Variants in ATE1 observed in about 807,000 individuals in gnomAD.
ATE1 encodes the protein arginyl-tRNA--protein transferase 1.
Under a neutral mutation model 70.5 loss-of-function variants are expected in ATE1, and 36 were observed. The ratio of observed to expected loss-of-function variants is 0.51; its 90% CI spans 0.39 to 0.67. The LOEUF is 0.67. Among genes scored for constraint, ATE1 ranks in the 30% least tolerant of loss-of-function variants. The probability of loss-of-function intolerance (pLI) is 0.00; values close to 1 mark genes in which losing one functional copy is unlikely to be tolerated. For synonymous variants in ATE1, 232 were observed against 219.3 expected (o/e 1.06, Z -0.51); for missense variants, 593 against 629.5 (o/e 0.94, Z 0.62).
At chr10:121,907,422 G>A (rs763224886) in intron 5 of ATE1, among the ~76,000 whole-genome samples, 8 of 151,460 alleles carry the variant, frequency 5.3e-5, no homozygotes, top group East Asian at 1.9e-4. Context: ...CTGAGATAGC[G>A]CCATTGCACT....
chr10:121,838,856 A>T (rs1948526092), intron 9 of ATE1, among the ~76,000 whole-genome samples: 1 of 152,148 alleles, frequency 6.6e-6, no homozygotes. Context: ...AAAATGAATT[A>T]AAAAAATAAA....
intron 11 of ATE1, among the ~76,000 whole-genome samples, chr10:121,757,506 G>A (rs1297629588): frequency 1.3e-5 from 2 of 152,108 alleles, no homozygotes; most frequent in Non-Finnish European, 2.9e-5. Context: ...CTGAGACTGG[G>A]CAATTTACAA....
intron 7 of ATE1, among the ~76,000 whole-genome samples, chr10:121,872,660 T>C (rs560297901): frequency 6.6e-6 from 1 of 152,192 alleles, no homozygotes; most frequent in South Asian, 2.1e-4. Context: ...TACACTGCAA[T>C]TGAAAGCAGA....
At chr10:121,801,134 T>G (rs1047184654) in intron 10 of ATE1, among the ~76,000 whole-genome samples, 5 of 152,246 alleles carry the variant, frequency 3.3e-5, no homozygotes, top group African/African-American at 1.2e-4. Flanking sequence ...CCCCAAATTC[T>G]GAAAGCCAAC....
intron 10 of ATE1, among the ~76,000 whole-genome samples, chr10:121,802,707 C>A (rs189217404): frequency 6.6e-6 from 1 of 152,132 alleles, no homozygotes; most frequent in Non-Finnish European, 1.5e-5. Context: ...TGCTCCCATC[C>A]CCAGGCTGAA....
At chr10:121,778,386 G>A (rs1339890716) in intron 11 of ATE1, among the ~76,000 whole-genome samples, 1 of 152,152 alleles carries the variant, frequency 6.6e-6, no homozygotes, top group Non-Finnish European at 1.5e-5. Flanking sequence ...CTAAAGAACT[G>A]TATTCTATTT....
At chr10:121,780,408 C>T (rs1260270072) in intron 11 of ATE1, among the ~76,000 whole-genome samples, 1 of 152,172 alleles carries the variant, frequency 6.6e-6, no homozygotes, top group Non-Finnish European at 1.5e-5. Context: ...CATTTCCTCT[C>T]CATTGCCCAC....
intron 10 of ATE1, among the ~76,000 whole-genome samples, chr10:121,802,454 G>A (rs577025261): frequency 4.0e-5 from 6 of 151,830 alleles, no homozygotes; most frequent in Admixed American, 6.6e-5. Flanking sequence ...GATTACAGGC[G>A]CCCACCACCA....
chr10:121,752,519 G>A (rs1254783654), intron 11 of ATE1, among the ~76,000 whole-genome samples: 4 of 152,020 alleles, frequency 2.6e-5, no homozygotes, highest in East Asian at 2.0e-4. Flanking sequence ...GTGAGCCACC[G>A]CACCTGGCAT....
chr10:121,826,026 G>C (rs1368627425), intron 10 of ATE1, among the ~76,000 whole-genome samples: 1 of 152,234 alleles, frequency 6.6e-6, no homozygotes, highest in Non-Finnish European at 1.5e-5. Flanking sequence ...CAACATGAAT[G>C]AATCTTGAGG....
chr10:121,865,971 A>G (rs1011968850), intron 8 of ATE1, among the ~76,000 whole-genome samples: 3 of 152,356 alleles, frequency 2.0e-5, no homozygotes, highest in African/African-American at 7.2e-5. Context: ...TTTGTTTTCA[A>G]CTGCAACTCT....
At chr10:121,764,123 G>A (rs1263503492) in intron 11 of ATE1, among the ~76,000 whole-genome samples, 11 of 151,854 alleles carry the variant, frequency 7.2e-5, no homozygotes, top group Non-Finnish European at 1.2e-4. Flanking sequence ...AATGTGAGAT[G>A]TTAATGATGG....
intron 8 of ATE1, among the ~76,000 whole-genome samples, chr10:121,845,679 G>A (rs1424728087): frequency 6.6e-6 from 1 of 152,076 alleles, no homozygotes; most frequent in African/African-American, 2.4e-5. Flanking sequence ...GAATACTGGA[G>A]GTGACCAATT....
chr10:121,862,499 G>C (rs568241126), intron 8 of ATE1, among the ~76,000 whole-genome samples: 2 of 151,388 alleles, frequency 1.3e-5, no homozygotes, highest in Non-Finnish European at 2.9e-5. Context: ...TGGGACTACA[G>C]GCACACATTA....
chr10:121,799,661 G>T (rs1301501981), intron 10 of ATE1, among the ~76,000 whole-genome samples: 1 of 152,184 alleles, frequency 6.6e-6, no homozygotes, highest in African/African-American at 2.4e-5. Context: ...CGTTAGATTA[G>T]TTATAAAGAG....
At chr10:121,838,546 C>T (rs781078148) in intron 9 of ATE1, among the ~76,000 whole-genome samples, 47 of 152,146 alleles carry the variant, frequency 3.1e-4, no homozygotes, top group Non-Finnish European at 5.9e-4. Flanking sequence ...CTTCCTTTGC[C>T]CCTGAAATGT....
At chr10:121,784,484 C>A (rs1238217619) in intron 11 of ATE1, among the ~76,000 whole-genome samples, 2 of 152,086 alleles carry the variant, frequency 1.3e-5, no homozygotes, top group Non-Finnish European at 2.9e-5. Flanking sequence ...AGTCTAGTAT[C>A]TTTTTAAACC....
chr10:121,897,450 A>T (rs1402923507), intron 7 of ATE1, among the ~76,000 whole-genome samples: 1 of 152,162 alleles, frequency 6.6e-6, no homozygotes, highest in Non-Finnish European at 1.5e-5. Flanking sequence ...GCTATCACCC[A>T]CAGTGGCATG....
intron 10 of ATE1, among the ~76,000 whole-genome samples, chr10:121,826,895 TAGG>T (rs1948041846): frequency 1.3e-5 from 2 of 152,220 alleles, no homozygotes; most frequent in African/African-American, 2.4e-5. Flanking sequence ...TTAGCTCACT[TAGG>T]AGAATGGCCT....
Sources: gnomAD v4.1 joint callset for allele counts (sites outside exome capture counted in the v4.1 genomes callset) on GRCh38, gnomAD v4.1.1 for gene constraint, MANE v1.5 for transcripts, NCBI Gene and HGNC (gene_info 2026-07-23, HGNC 2026-07-21) for gene names.